Variants in ABI2 observed in about 807,000 individuals in gnomAD.
The protein encoded by ABI2 is abelson interactor 2.
ABI2 carries 25 observed loss-of-function variants against 59.2 expected under a neutral mutation model. The observed-to-expected ratio is 0.42, with a 90% CI of 0.31 to 0.59. The LOEUF (loss-of-function observed/expected upper bound fraction) is 0.59, where lower values mean the gene tolerates loss of function less well. Among genes scored for constraint, ABI2 ranks in the 20% least tolerant of loss-of-function variants. ABI2 has a pLI of 0.14. For synonymous variants in ABI2, 213 were observed against 235.5 expected, an observed-to-expected ratio of 0.90 and a Z score of 0.87; for missense variants, 545 against 681.8, an observed-to-expected ratio of 0.80 and a Z score of 2.23.
At chr2:203,349,250 A>G (rs918290832) in intron 1 of ABI2, among the ~76,000 whole-genome samples, 2 of 151,828 alleles carry the variant, frequency 1.3e-5, no homozygotes, top group African/African-American at 2.4e-5. Context: ...CTGGTGCCCT[A>G]TAACTCTTGA....
chr2:203,337,264 AAGACTGT>A (rs1391304904), intron 1 of ABI2, among the ~76,000 whole-genome samples: 1 of 152,246 alleles, frequency 6.6e-6, no homozygotes, highest in Non-Finnish European at 1.5e-5. Flanking sequence ...ACTCCACCAA[AAGACTGT>A]TAGAATTAAT....
intron 10 of ABI2, among the ~76,000 whole-genome samples, chr2:203,412,352 CT>C (rs2097712954): frequency 6.6e-6 from 1 of 152,148 alleles, no homozygotes; most frequent in Admixed American, 6.5e-5. Context: ...CTTTTTTCTG[CT>C]TCTGTAGCTG....
At chr2:203,380,181 T>G (rs1270563843) in intron 2 of ABI2, 27 bp from the exon 3 acceptor site, 5 of 1,426,358 alleles carry the variant, frequency 3.5e-6, no homozygotes, top group Middle Eastern at 1.8e-4. Context: ...TACATTTTTG[T>G]GTTGTTTTTT....
chr2:203,373,473 C>T (rs1323936635), intron 2 of ABI2, among the ~76,000 whole-genome samples: 1 of 151,280 alleles, frequency 6.6e-6, no homozygotes, highest in Non-Finnish European at 1.5e-5. Flanking sequence ...GAGAGGGAGA[C>T]CATGGGCCGT....
chr2:203,330,743 A>G (rs1233551820), intron 1 of ABI2, among the ~76,000 whole-genome samples: 1 of 152,246 alleles, frequency 6.6e-6, no homozygotes, highest in Admixed American at 6.5e-5. Context: ...TACCAGTAAG[A>G]AATAAAAAAT....
At chr2:203,360,184 C>CAAA (rs58857922) in intron 1 of ABI2, among the ~76,000 whole-genome samples, 268 of 70,540 alleles carry the variant, frequency 3.8e-3, no homozygotes, top group East Asian at 5.1e-3. Flanking sequence ...GACTCCATCT[C>CAAA]AAAAAAAAAA....
intron 11 of ABI2, among the ~76,000 whole-genome samples, chr2:203,418,185 G>A (rs1265744971): frequency 1.3e-5 from 2 of 152,254 alleles, no homozygotes; most frequent in African/African-American, 4.8e-5. Flanking sequence ...CCCAGGAGAT[G>A]TGAGAGGAAA....
At chr2:203,394,529 C>G (rs893444240) in intron 5 of ABI2, 171 bp from the exon 6 acceptor site, 1 of 609,008 alleles carries the variant, frequency 1.6e-6, no homozygotes, top group Non-Finnish European at 2.8e-6. Context: ...CACCAAAACC[C>G]TAATGGTGGA....
chr2:203,333,145 A>T (rs541015606), intron 1 of ABI2, among the ~76,000 whole-genome samples: 5 of 152,296 alleles, frequency 3.3e-5, no homozygotes, highest in African/African-American at 9.6e-5. Context: ...TGATACAAAG[A>T]TTTAAAATTT....
chr2:203,404,121 T>G (rs974214444), intron 9 of ABI2, among the ~76,000 whole-genome samples: 8 of 152,152 alleles, frequency 5.3e-5, no homozygotes, highest in East Asian at 1.9e-4. Flanking sequence ...CTCCCAAGTC[T>G]TCTCTTTTTT....
chr2:203,391,148 G>A lies in ABI2; in HGVS notation c.578+5G>A. ...GTCAGGGAAAGGGACACTTGGGTGA[G>A]TATATAAGTAGTAATTGAAAACCAT... is the stretch of plus-strand genomic sequence containing the variant. On this transcript the variant is annotated splice_donor_5th_base_variant and intron_variant, in intron 5 of 11. Transcript: ENST00000261018. The A allele has an allele frequency of 6.3e-7, 1 of 1,579,980 alleles. No homozygotes were observed. Among genetic ancestry groups the A allele is most frequent in the Non-Finnish European group, 8.6e-7 (1 of 1,162,030 alleles).
intron 1 of ABI2, among the ~76,000 whole-genome samples, chr2:203,343,836 A>C (rs2081518179): frequency 1.3e-5 from 2 of 152,138 alleles, no homozygotes; most frequent in South Asian, 4.1e-4. Context: ...AGTTAGTTAA[A>C]ACACTATTTT....
In ABI2 at chr2:203,428,079, T is replaced by C. The variant is rs1377238815; in HGVS notation, c.*727T>C. ...TAATGTGCTGCTGCATGAGACTGCA[T>C]TGTTGCTAATGGCCAGTGTACCCAG... On this transcript the variant is annotated 3_prime_UTR_variant, in exon 12 of 12. Transcript: ENST00000261018. 1 of 152,170 alleles carries C rather than the reference T, an allele frequency of 6.6e-6. No individual in the cohort carries two copies. The highest frequency in any genetic ancestry group is 1.5e-5 in the Non-Finnish European group (1 of 68,032). 9.4% of individuals were successfully genotyped at this position (152,170 alleles called of 1,614,324 possible).
intron 1 of ABI2, among the ~76,000 whole-genome samples, chr2:203,331,157 C>T (rs1349173328): frequency 2.6e-5 from 4 of 151,856 alleles, no homozygotes; most frequent in Admixed American, 2.6e-4. Context: ...ATAATTGGTA[C>T]ACTCTCAGGA....
Position 203,366,899 on chromosome 2 carries a change from T to C in ABI2, c.140T>C (p.Leu47Pro). The change falls in exon 2 of 12, where the codon CTA (leucine) becomes CCA (proline). Residue 47 changes from leucine to proline, a missense_variant. Coordinates refer to ENST00000261018, the MANE Select transcript of ABI2 (RefSeq NM_001375670.1). Reference protein sequence around the residue: ...YIQSADKQRALEETKAYTTQS... With the variant: ...YIQSADKQRAPEETKAYTTQS... ...CAGTCAGCAGATAAGCAGAGAGCCC[T>C]AGAAGAAACCAAAGCCTACACCACC... The C allele has an allele frequency of 6.2e-7, 1 of 1,606,050 alleles. No individual in the cohort carries two copies. Among genetic ancestry groups the C allele is most frequent in the Non-Finnish European group, 8.5e-7 (1 of 1,175,576 alleles).
At chr2:203,384,477 T>C (rs186248195) in intron 4 of ABI2, among the ~76,000 whole-genome samples, 100 of 151,686 alleles carry the variant, frequency 6.6e-4, no homozygotes, top group African/African-American at 2.3e-3. Flanking sequence ...TGGCTATTTT[T>C]TAACAAATTT....
At chr2:203,355,829 C>CAAAAAAAA (rs771519788) in intron 1 of ABI2, among the ~76,000 whole-genome samples, 1 of 68,514 alleles carries the variant, frequency 1.5e-5, no homozygotes, top group African/African-American at 6.2e-5. Flanking sequence ...AAAACTGTCT[C>CAAAAAAAA]AAAAAAAAAA....
At chr2:203,426,019 CAAAAAAA>C (rs34530204) in intron 11 of ABI2, among the ~76,000 whole-genome samples, 3 of 85,488 alleles carry the variant, frequency 3.5e-5, no homozygotes, top group Non-Finnish European at 8.3e-5. Flanking sequence ...GAGACTGTCT[CAAAAAAA>C]AAAAAAAAAA....
chr2:203,400,309 G>A (rs1160234761), intron 8 of ABI2, among the ~76,000 whole-genome samples: 3 of 151,710 alleles, frequency 2.0e-5, no homozygotes, highest in African/African-American at 7.3e-5. Context: ...GGCTGGTCTT[G>A]AACTCCTGAT....
Sources: allele counts gnomAD v4.1 joint callset (sites outside exome capture counted in the v4.1 genomes callset), GRCh38; gene constraint gnomAD v4.1.1; transcripts MANE v1.5; gene names NCBI Gene and HGNC (gene_info 2026-07-23, HGNC 2026-07-21).